CTNNA3: variants seen among roughly 807,000 people sequenced by gnomAD.
The protein encoded by CTNNA3 is catenin alpha-3.
A neutral mutation model predicts 95.7 loss-of-function variants in CTNNA3; 76 were observed. The ratio of observed to expected loss-of-function variants is 0.79; its 90% CI spans 0.66 to 0.96. CTNNA3 has a LOEUF of 0.96. Among genes scored for constraint, CTNNA3 ranks in the 40% least tolerant of loss-of-function variants. CTNNA3 has a pLI of 0.00. For missense variants in CTNNA3, 1,191 were observed against 1,089.8 expected (o/e 1.09, Z -1.31); for synonymous variants, 431 against 374.4 (o/e 1.15, Z -1.74).
chr10:66,672,036 A>G (rs918078672), intron 9 of CTNNA3, among the ~76,000 whole-genome samples: 1 of 152,168 alleles, frequency 6.6e-6, no homozygotes, highest in Non-Finnish European at 1.5e-5. Context: ...GCATTAGGAT[A>G]TAGAGGCAAA....
At chr10:67,433,688 G>A (rs1846201226) in intron 5 of CTNNA3, among the ~76,000 whole-genome samples, 1 of 151,982 alleles carries the variant, frequency 6.6e-6, no homozygotes, top group African/African-American at 2.4e-5. Flanking sequence ...TGTATTGGAT[G>A]AATATATCAT....
At chr10:66,154,485 TA>T (rs2084372741) in intron 13 of CTNNA3, among the ~76,000 whole-genome samples, 1 of 151,436 alleles carries the variant, frequency 6.6e-6, no homozygotes, top group African/African-American at 2.4e-5. Context: ...TAGTGGGTCT[TA>T]AAAATATCTT....
intron 7 of CTNNA3, among the ~76,000 whole-genome samples, chr10:67,063,597 T>C (rs1855892464): frequency 6.6e-6 from 1 of 152,222 alleles, no homozygotes; most frequent in Non-Finnish European, 1.5e-5. Context: ...AGTGAATATC[T>C]GCCTTAGTTT....
chr10:67,080,547 T>C (rs1203586942), intron 7 of CTNNA3, among the ~76,000 whole-genome samples: 2 of 152,210 alleles, frequency 1.3e-5, no homozygotes, highest in African/African-American at 4.8e-5. Flanking sequence ...ATCATTCCTA[T>C]GCTTAAGCTT....
Position 67,727,186 on chromosome 10 carries a change from A to G in CTNNA3, c.-2+36248T>C, listed in dbSNP as rs564902054. 2.2e-3 allele frequency among the ~76,000 whole-genome samples: 284 copies of G among 126,452 alleles called. 1 individual carries two copies. The highest frequency in any genetic ancestry group is 0.011 in the Middle Eastern group (1 of 88). 83.0% of individuals were successfully genotyped at this position (126,452 alleles called of 152,430 possible). ...ATAATATATGATACATATATTATAT[A>G]TATTATGTGTATATATACCTATATG... On this transcript the variant is annotated intron_variant, in intron 1 of 17. Coordinates refer to the CTNNA3 transcript ENST00000684154.
intron 1 of CTNNA3, among the ~76,000 whole-genome samples, chr10:67,735,063 A>T (rs1251430718): frequency 6.6e-6 from 1 of 152,026 alleles, no homozygotes; most frequent in Non-Finnish European, 1.5e-5. Context: ...CGACACTGAC[A>T]CAGTAGGTCT....
At chr10:67,417,429 C>T (rs1845584751) in intron 5 of CTNNA3, among the ~76,000 whole-genome samples, 1 of 151,988 alleles carries the variant, frequency 6.6e-6, no homozygotes, top group Non-Finnish European at 1.5e-5. Flanking sequence ...GCACATGTAC[C>T]CCCTGTATCT....
In CTNNA3 at chr10:67,394,144, T is replaced by A. The variant is rs187740820; in HGVS notation, c.579+127698A>T. Among the ~76,000 whole-genome samples the A allele has an allele frequency of 2.9e-3, 442 of 152,262 alleles. 2 individuals carry two copies. Among genetic ancestry groups the A allele is most frequent in the Non-Finnish European group, 3.6e-3 (248 of 68,002 alleles). ...TCTTTATATAAATATGACTCTTTTG[T>A]GTGTGTGATATCACATACACAATGT... On this transcript the variant is annotated intron_variant, in intron 5 of 17. Transcript: ENST00000433211.
At position 66,205,029 on chromosome 10, in the gene CTNNA3, T is replaced by C. The variant is rs546366857; in HGVS notation, c.1884+75441A>G. 7.2e-5 allele frequency among the ~76,000 whole-genome samples: 11 copies of C among 152,226 alleles called. 1 individual carries two copies. The South Asian group carries it at 2.3e-3, about 32-fold the overall frequency. The stretch of plus-strand genomic sequence containing the variant: ...AGATAAAATTTGTCTTAAAAATCAG[T>C]GTCAGCAATATGTCAAGCTTACAAA... On this transcript the variant is annotated intron_variant, in intron 13 of 17. Coordinates refer to ENST00000433211, the MANE Select transcript of CTNNA3 (RefSeq NM_013266.4).
intron 17 of CTNNA3, among the ~76,000 whole-genome samples, chr10:65,954,287 A>C (rs553752847): frequency 1.6e-3 from 247 of 152,080 alleles, no homozygotes; most frequent in Non-Finnish European, 2.3e-3. Context: ...TGGATATTAG[A>C]CCTTTGTCAG....
intron 5 of CTNNA3, among the ~76,000 whole-genome samples, chr10:67,450,743 C>A (rs932207691): frequency 6.6e-6 from 1 of 151,428 alleles, no homozygotes; most frequent in Non-Finnish European, 1.5e-5. Context: ...CACAAATTTA[C>A]CTATATAAAA....
At chr10:66,410,691 T>A (rs1254740785) in intron 11 of CTNNA3, among the ~76,000 whole-genome samples, 1 of 152,186 alleles carries the variant, frequency 6.6e-6, no homozygotes, top group African/African-American at 2.4e-5. Flanking sequence ...AGAATAATCA[T>A]AAATAATCTT....
intron 3 of CTNNA3, among the ~76,000 whole-genome samples, chr10:67,580,021 GGT>G (rs1329263254): frequency 6.6e-6 from 1 of 152,118 alleles, no homozygotes; most frequent in African/African-American, 2.4e-5. Context: ...TCACTCTGAT[GGT>G]AGTTTCTTCT....
At chr10:67,750,349 G>T in intron 1 of CTNNA3, 3 of 1,513,488 alleles carry the variant, frequency 2.0e-6, no homozygotes, top group East Asian at 2.3e-5. Flanking sequence ...GCACTTGGAA[G>T]TCTCCTCTCG....
chr10:66,590,484 C>A (rs1294095192), intron 10 of CTNNA3, among the ~76,000 whole-genome samples: 1 of 152,038 alleles, frequency 6.6e-6, no homozygotes, highest in Non-Finnish European at 1.5e-5. Flanking sequence ...ATAATTAAAG[C>A]AACATACATC....
At chr10:65,980,755 C>T (rs556900280) in intron 16 of CTNNA3, among the ~76,000 whole-genome samples, 1 of 152,036 alleles carries the variant, frequency 6.6e-6, no homozygotes, top group East Asian at 1.9e-4. Context: ...ATGATCATCT[C>T]AATAGACACA....
chr10:66,122,753 A>G (rs1276118484), intron 13 of CTNNA3, among the ~76,000 whole-genome samples: 1 of 152,242 alleles, frequency 6.6e-6, no homozygotes, highest in East Asian at 1.9e-4. Context: ...AGCAGAAGGC[A>G]ATGAGAAGCA....
chr10:67,370,800 C>A (rs967388297), intron 5 of CTNNA3, among the ~76,000 whole-genome samples: 1 of 151,534 alleles, frequency 6.6e-6, no homozygotes, highest in Non-Finnish European at 1.5e-5. Flanking sequence ...AGAGAAAAAA[C>A]AGATGAAAAG....
intron 14 of CTNNA3, among the ~76,000 whole-genome samples, chr10:66,081,762 T>G (rs2080771102): frequency 6.6e-6 from 1 of 152,138 alleles, no homozygotes; most frequent in African/African-American, 2.4e-5. Context: ...CAAGGTTCAT[T>G]GATGGAGATT....
Sources: gnomAD v4.1 joint callset for allele counts (sites outside exome capture counted in the v4.1 genomes callset) on GRCh38, gnomAD v4.1.1 for gene constraint, MANE v1.5 for transcripts, NCBI Gene and HGNC (gene_info 2026-07-23, HGNC 2026-07-21) for gene names.